The following CDH13 variants were observed in gnomAD, a reference collection of about 807,000 sequenced individuals.
The protein encoded by CDH13 is cadherin 13.
A neutral mutation model predicts 63.8 loss-of-function variants in CDH13; 24 were observed. The observed-to-expected ratio is 0.38, with a 90% CI of 0.27 to 0.53. The LOEUF (loss-of-function observed/expected upper bound fraction) is 0.53. Among genes scored for constraint, CDH13 ranks in the 20% least tolerant of loss-of-function variants. CDH13 has a pLI of 0.85. For missense variants in CDH13, 1,049 were observed against 903.1 expected (o/e 1.16, Z -2.07); for synonymous variants, 503 against 355.3 (o/e 1.42, Z -4.67).
chr16:83,256,862 A>G (rs986287447), intron 5 of CDH13, among the ~76,000 whole-genome samples: 5 of 151,206 alleles, frequency 3.3e-5, no homozygotes, highest in African/African-American at 9.7e-5. Flanking sequence ...AAAAAAAAAA[A>G]AAAAAATAGT....
At chr16:83,689,739 C>T (rs1408245296) in intron 10 of CDH13, among the ~76,000 whole-genome samples, 1 of 152,164 alleles carries the variant, frequency 6.6e-6, no homozygotes, top group African/African-American at 2.4e-5. Flanking sequence ...TCTTGGGTCC[C>T]TGAGTGTAGG....
intron 2 of CDH13, among the ~76,000 whole-genome samples, chr16:83,015,167 CAG>C (rs1914633893): frequency 6.6e-6 from 1 of 151,818 alleles, no homozygotes; most frequent in Non-Finnish European, 1.5e-5. Flanking sequence ...TCGGGGAAGT[CAG>C]GGCTTGTTGA....
intron 4 of CDH13, among the ~76,000 whole-genome samples, chr16:83,144,908 T>A (rs142229773): frequency 1.5e-4 from 23 of 152,096 alleles, no homozygotes; most frequent in South Asian, 1.5e-3. Flanking sequence ...CTGCAGAGGG[T>A]AGGTTAATGG....
intron 1 of CDH13, among the ~76,000 whole-genome samples, chr16:82,724,356 C>T (rs1304620513): frequency 6.6e-6 from 1 of 152,096 alleles, no homozygotes; most frequent in East Asian, 1.9e-4. Context: ...TTGTCAAATG[C>T]TCATTTGCCA....
At chr16:82,676,929 G>A (rs1049999401) in intron 1 of CDH13, among the ~76,000 whole-genome samples, 1 of 151,698 alleles carries the variant, frequency 6.6e-6, no homozygotes, top group South Asian at 2.1e-4. Context: ...CTGTCACCAG[G>A]CTAGAGTGCA....
chr16:82,949,685 T>C (rs954329903), intron 2 of CDH13, among the ~76,000 whole-genome samples: 1 of 152,216 alleles, frequency 6.6e-6, no homozygotes, highest in Non-Finnish European at 1.5e-5. Flanking sequence ...AAAACTTTTT[T>C]TTTATAGCAA....
chr16:83,586,739 G>A (rs1906196130), intron 7 of CDH13, among the ~76,000 whole-genome samples: 1 of 152,152 alleles, frequency 6.6e-6, no homozygotes, highest in Non-Finnish European at 1.5e-5. Flanking sequence ...GGTGGTCAGA[G>A]AAGCTGACTG....
chr16:83,719,567 A>G (rs528904134), intron 10 of CDH13, among the ~76,000 whole-genome samples: 1 of 152,108 alleles, frequency 6.6e-6, no homozygotes, highest in African/African-American at 2.4e-5. Context: ...GCTTATGAGG[A>G]TGTACTAGGA....
intron 1 of CDH13, among the ~76,000 whole-genome samples, chr16:82,797,401 C>T (rs879196375): frequency 2.6e-5 from 4 of 152,174 alleles, no homozygotes; most frequent in Admixed American, 2.0e-4. Context: ...CCAAAGGACT[C>T]GAGCTGCCGC....
chr16:83,268,872 G>A (rs2088705858), intron 5 of CDH13, among the ~76,000 whole-genome samples: 1 of 152,116 alleles, frequency 6.6e-6, no homozygotes, highest in African/African-American at 2.4e-5. Context: ...CCAGTTCTTA[G>A]GTTCTACCTG....
rs150890797 is a variant in CDH13, at chr16:83,166,589, G to A, written c.483+41088G>A. Among the ~76,000 whole-genome samples, 1,060 of 152,200 alleles carry A rather than the reference G, an allele frequency of 7.0e-3. 18 individuals are homozygous for A. Among genetic ancestry groups the A allele is most frequent in the Middle Eastern group, 0.02 (6 of 294 alleles). On this transcript the variant is annotated intron_variant, in intron 4 of 13. Coordinates refer to ENST00000567109, the MANE Select transcript of CDH13 (RefSeq NM_001257.5). Reference sequence around the variant, plus strand: ...GACATGCCATTTGATTAATTTATGTGGTTGGGACAGCAGTTCAGAGGGAAT... The same window carrying A: ...GACATGCCATTTGATTAATTTATGTAGTTGGGACAGCAGTTCAGAGGGAAT...
intron 1 of CDH13, among the ~76,000 whole-genome samples, chr16:82,833,897 T>G (rs942680162): frequency 6.6e-6 from 1 of 152,198 alleles, no homozygotes; most frequent in African/African-American, 2.4e-5. Flanking sequence ...AGCAGATGCA[T>G]AATAATGCTA....
intron 5 of CDH13, among the ~76,000 whole-genome samples, chr16:83,286,909 G>A (rs996166483): frequency 2.6e-5 from 4 of 151,818 alleles, no homozygotes; most frequent in African/African-American, 9.7e-5. Context: ...AGCAAGGGCT[G>A]GATATTTGAT....
intron 1 of CDH13, among the ~76,000 whole-genome samples, chr16:82,839,665 C>T (rs1047933106): frequency 1.4e-4 from 21 of 152,178 alleles, no homozygotes; most frequent in African/African-American, 3.6e-4. Flanking sequence ...CTGTGGCCAT[C>T]GCCATGTGCA....
intron 6 of CDH13, among the ~76,000 whole-genome samples, chr16:83,467,387 G>A (rs914700172): frequency 7.2e-5 from 11 of 152,142 alleles, no homozygotes; most frequent in Non-Finnish European, 1.2e-4. Flanking sequence ...GTGAGCGGAT[G>A]TCACACATTC....
chr16:83,006,828 G>T (rs1415839724), intron 2 of CDH13, among the ~76,000 whole-genome samples: 2 of 152,150 alleles, frequency 1.3e-5, no homozygotes, highest in African/African-American at 4.8e-5. Context: ...GAAATTCACT[G>T]AAGTAAGGAA....
chr16:82,740,268 A>T (rs891081528), intron 1 of CDH13, among the ~76,000 whole-genome samples: 4 of 152,164 alleles, frequency 2.6e-5, no homozygotes, highest in African/African-American at 9.7e-5. Flanking sequence ...TGAGTACTTT[A>T]ATTCTGGATG....
At chr16:83,177,590 C>T (rs1319297321) in intron 4 of CDH13, among the ~76,000 whole-genome samples, 1 of 152,156 alleles carries the variant, frequency 6.6e-6, no homozygotes, top group Non-Finnish European at 1.5e-5. Flanking sequence ...AATATTAGTG[C>T]CTAGTGCAGG....
At chr16:82,798,273 C>G (rs781097402) in intron 1 of CDH13, among the ~76,000 whole-genome samples, 2 of 152,168 alleles carry the variant, frequency 1.3e-5, no homozygotes, top group Non-Finnish European at 2.9e-5. Context: ...AGCAGTTAAG[C>G]ATTTTCGTAG....
Sources: allele counts gnomAD v4.1 joint callset (sites outside exome capture counted in the v4.1 genomes callset), GRCh38; gene constraint gnomAD v4.1.1; transcripts MANE v1.5; gene names NCBI Gene and HGNC (gene_info 2026-07-23, HGNC 2026-07-21).